The following CCDC13 variants were observed in gnomAD, a reference collection of about 807,000 sequenced individuals.
CCDC13 encodes coiled-coil domain-containing protein 13.
In CCDC13, 70 loss-of-function variants were observed where a neutral mutation model predicts 87.3. The observed-to-expected ratio is 0.80, with a 90% CI of 0.66 to 0.98. The LOEUF (loss-of-function observed/expected upper bound fraction) is 0.98, where lower values mean the gene tolerates loss of function less well. CCDC13 is among the 50% of genes least tolerant of loss of function. CCDC13 has a pLI of 0.00. For missense variants in CCDC13, 842 were observed against 892.0 expected, an observed-to-expected ratio of 0.94 and a Z score of 0.71; for synonymous variants, 317 against 360.3, an observed-to-expected ratio of 0.88 and a Z score of 1.36.
intron 8 of CCDC13, among the ~76,000 whole-genome samples, chr3:42,742,223 T>C (rs1363436449): frequency 6.6e-6 from 1 of 152,208 alleles, no homozygotes; most frequent in African/African-American, 2.4e-5. Context: ...TAACCCAGGC[T>C]AGACCAAAGA....
At chr3:42,713,854 G>A (rs529956710) in intron 13 of CCDC13, 1 of 152,336 alleles carries the variant, frequency 6.6e-6, no homozygotes, top group Non-Finnish European at 1.5e-5. Flanking sequence ...AGTTCTGTAA[G>A]TCAGAGGCCT....
rs192575575 is a variant in CCDC13, at chr3:42,731,942, G to A, written c.1595+945C>T. 2.2e-3 allele frequency among the ~76,000 whole-genome samples: 335 copies of A among 152,350 alleles called. 3 individuals are homozygous for A. The highest frequency in any genetic ancestry group is 7.2e-4 in the Non-Finnish European group (49 of 68,032). Reference sequence around the variant, plus strand: ...GCAGCCAAGGCACAGAGCAGCTCCTGTATTTCTGTGTGGCACAGAGGTCAC... The same window carrying A: ...GCAGCCAAGGCACAGAGCAGCTCCTATATTTCTGTGTGGCACAGAGGTCAC... On this transcript the variant is annotated intron_variant, in intron 12 of 15. Transcript: ENST00000310232.
Position 42,773,176 on chromosome 3 carries a change from A to T in CCDC13, c.-7T>A, listed in dbSNP as rs1871121. Reference sequence around the variant, plus strand: ...CCCTTCCGCTCTCCCCGGCACTTACAGCGGTCTCTCTCCACTTCTCCCTTC... The same window carrying T: ...CCCTTCCGCTCTCCCCGGCACTTACTGCGGTCTCTCTCCACTTCTCCCTTC... On this transcript the variant is annotated splice_region_variant and 5_prime_UTR_variant, in exon 1 of 16. Transcript: ENST00000310232. 0.18 allele frequency: 26,666 copies of T among 152,136 alleles called. 2,501 individuals are homozygous for T. The highest frequency in any genetic ancestry group is 0.26 in the South Asian group (1,275 of 4,818). 9.4% of individuals were successfully genotyped at this position (152,136 alleles called of 1,614,324 possible).
intron 13 of CCDC13, among the ~76,000 whole-genome samples, chr3:42,727,296 T>C (rs1305477884): frequency 2.0e-5 from 3 of 151,886 alleles, no homozygotes; most frequent in Non-Finnish European, 4.4e-5. Context: ...CACTTGAACC[T>C]GGGAGGCGGA....
chr3:42,742,501 G>C (rs1699252194), intron 8 of CCDC13, among the ~76,000 whole-genome samples: 1 of 152,180 alleles, frequency 6.6e-6, no homozygotes, highest in African/African-American at 2.4e-5. Context: ...CAGCCAGTGA[G>C]ATGCGGCCCC....
At chr3:42,733,695 G>C in intron 10 of CCDC13, 86 bp from the exon 11 acceptor site, 1 of 1,477,892 alleles carries the variant, frequency 6.8e-7, no homozygotes, top group South Asian at 1.4e-5. Context: ...TTGATTTCGG[G>C]GCTTTCAGAG....
chr3:42,736,298 C>T (rs530307657), intron 9 of CCDC13, among the ~76,000 whole-genome samples: 25 of 152,290 alleles, frequency 1.6e-4, no homozygotes, highest in African/African-American at 5.5e-4. Flanking sequence ...GCCAGGGATC[C>T]ATTAGCACCT....
chr3:42,731,341 T>C (rs1013640260), intron 12 of CCDC13, among the ~76,000 whole-genome samples: 1 of 151,826 alleles, frequency 6.6e-6, no homozygotes, highest in South Asian at 2.1e-4. Flanking sequence ...TTCTCGGTGG[T>C]CTTGGGCAGG....
chr3:42,726,646 A>G (rs1012977291), intron 13 of CCDC13, among the ~76,000 whole-genome samples: 1 of 152,174 alleles, frequency 6.6e-6, no homozygotes, highest in Non-Finnish European at 1.5e-5. Context: ...AAAATTACGT[A>G]TAACATATTT....
chr3:42,754,575 T>G (rs1699663072), intron 3 of CCDC13, among the ~76,000 whole-genome samples: 1 of 152,120 alleles, frequency 6.6e-6, no homozygotes, highest in Non-Finnish European at 1.5e-5. Context: ...CCCTGTCTCT[T>G]TTGCTGAATA....
At chr3:42,705,309 C>A (rs1698152316), downstream of CCDC13, among the ~76,000 whole-genome samples, 4 of 152,120 alleles carry the variant, frequency 2.6e-5, no homozygotes, top group Admixed American at 2.6e-4. Context: ...CTGGAGGTCA[C>A]CCTGCCCTGG....
In CCDC13 at chr3:42,706,530, C is replaced by T. The variant is rs1698184479; in HGVS notation, c.*2450G>A. 6.6e-6 allele frequency: 1 copy of T among 152,244 alleles called. No individual in the cohort carries two copies. The highest frequency in any genetic ancestry group is 2.4e-5 in the African/African-American group (1 of 41,452). 9.4% of individuals were successfully genotyped at this position (152,244 alleles called of 1,614,324 possible). A position where few individuals can be genotyped will look rare whatever the true frequency, so the allele number is the denominator to read the frequency against. On this transcript the variant is annotated 3_prime_UTR_variant, in exon 16 of 16. Transcript: ENST00000310232. ...CCAGCAGACATGACAGGCACTCCCG[C>T]ACATGGCACCACAGCAATGCTGTCA...
intron 13 of CCDC13, among the ~76,000 whole-genome samples, chr3:42,721,145 T>C (rs1698551095): frequency 6.6e-6 from 1 of 152,262 alleles, no homozygotes; most frequent in Non-Finnish European, 1.5e-5. Flanking sequence ...ATAATTCTGA[T>C]ATGACTTAAT....
intron 1 of CCDC13, among the ~76,000 whole-genome samples, chr3:42,771,316 C>T (rs1191046189): frequency 2.0e-5 from 3 of 152,140 alleles, no homozygotes; most frequent in African/African-American, 4.8e-5. Context: ...TGAAAAATAT[C>T]AGTGGTTTCC....
chr3:42,747,513 C>G (rs1015096178), intron 5 of CCDC13, 140 bp from the exon 6 acceptor site: 2 of 662,252 alleles, frequency 3.0e-6, no homozygotes, highest in African/African-American at 1.8e-5. Flanking sequence ...CCTCATAAAC[C>G]CCTGTGAGGT....
chr3:42,715,111 A>G (rs1698397504), intron 13 of CCDC13, among the ~76,000 whole-genome samples: 1 of 150,466 alleles, frequency 6.6e-6, no homozygotes, highest in African/African-American at 2.5e-5. Context: ...AGCCTGGCCA[A>G]CATGGTGAAA....
intron 1 of CCDC13, 55 bp from the exon 2 acceptor site, chr3:42,758,406 C>A (rs1263919256): frequency 1.9e-6 from 3 of 1,551,360 alleles, no homozygotes; most frequent in Non-Finnish European, 2.6e-6. Context: ...GAGCGCTCAG[C>A]ACACAGTCCG....
In CCDC13 at chr3:42,735,716, G is replaced by A; in HGVS notation, c.1362C>T (p.Leu454=). 1 of 1,614,154 alleles carries A rather than the reference G, an allele frequency of 6.2e-7. No homozygotes were observed. Among genetic ancestry groups the A allele is most frequent in the Non-Finnish European group, 8.5e-7 (1 of 1,180,026 alleles). ...VRQLEMEIGQ[L]NVHYLRNKGV... ...CCAGTGCCCTACTCACGTGCACATT[G>A]AGTTGTCCGATCTCCATCTCCAGCT... Residue 454 remains leucine, a synonymous_variant, in exon 10 of 16, where the codon CTC becomes CTT. Transcript: ENST00000310232.
intron 13 of CCDC13, among the ~76,000 whole-genome samples, chr3:42,717,572 T>A (rs868028672): frequency 9.8e-5 from 15 of 152,330 alleles, no homozygotes; most frequent in African/African-American, 2.9e-4. Flanking sequence ...GTATTGTTAA[T>A]GTAATCAGTG....
Sources: gnomAD v4.1 joint callset for allele counts (sites outside exome capture counted in the v4.1 genomes callset) on GRCh38, gnomAD v4.1.1 for gene constraint, MANE v1.5 for transcripts, NCBI Gene and HGNC (gene_info 2026-07-23, HGNC 2026-07-21) for gene names.